PTPRO: variants seen among roughly 807,000 people sequenced by gnomAD.
PTPRO encodes receptor-type tyrosine-protein phosphatase O.
PTPRO carries 62 observed loss-of-function variants against 145.2 expected under a neutral mutation model. That is an observed-to-expected ratio of 0.43 (90% CI 0.35 to 0.53). The LOEUF (loss-of-function observed/expected upper bound fraction) is 0.53. Among genes scored for constraint, PTPRO ranks in the 20% least tolerant of loss-of-function variants. PTPRO has a pLI of 0.01. For synonymous variants in PTPRO, 565 were observed against 514.7 expected (o/e 1.10, Z -1.32); for missense variants, 1,345 against 1,482.7 (o/e 0.91, Z 1.53).
intron 1 of PTPRO, among the ~76,000 whole-genome samples, chr12:15,371,352 C>T (rs1363539445): frequency 6.6e-6 from 1 of 152,034 alleles, no homozygotes; most frequent in Admixed American, 6.6e-5. Context: ...CTGCTTCAGC[C>T]TCCTGAGTAA....
At chr12:15,514,451 CAA>C (rs71438353) in intron 7 of PTPRO, among the ~76,000 whole-genome samples, 5,340 of 68,932 alleles carry the variant, frequency 0.077, 145 homozygotes, top group East Asian at 0.19. Flanking sequence ...GACTCTGTCT[CAA>C]AAAAAAAAAA....
intron 6 of PTPRO, among the ~76,000 whole-genome samples, chr12:15,507,951 A>C (rs1942356905): frequency 6.6e-6 from 1 of 152,236 alleles, no homozygotes. Flanking sequence ...GAACCACTTT[A>C]GGAACATAAG....
At chr12:15,429,053 A>G (rs945080250) in intron 1 of PTPRO, among the ~76,000 whole-genome samples, 23 of 152,296 alleles carry the variant, frequency 1.5e-4, no homozygotes, top group African/African-American at 5.5e-4. Context: ...AAAAATCATA[A>G]TTATTGTAGA....
intron 7 of PTPRO, among the ~76,000 whole-genome samples, chr12:15,514,304 T>C (rs1382144693): frequency 6.6e-6 from 1 of 151,806 alleles, no homozygotes; most frequent in Non-Finnish European, 1.5e-5. Context: ...ATACAAAAAT[T>C]AGCTGGGCGT....
chr12:15,372,130 G>A (rs970748562), intron 1 of PTPRO, among the ~76,000 whole-genome samples: 1 of 152,152 alleles, frequency 6.6e-6, no homozygotes, highest in African/African-American at 2.4e-5. Flanking sequence ...AAAAGAAAAT[G>A]TGGGTCAAGA....
At chr12:15,334,865 C>T (rs1406291205) in intron 1 of PTPRO, among the ~76,000 whole-genome samples, 1 of 151,978 alleles carries the variant, frequency 6.6e-6, no homozygotes, top group Non-Finnish European at 1.5e-5. Context: ...AATTAATAAT[C>T]TTCTTTACTC....
chr12:15,414,442 C>T (rs1939888064), intron 1 of PTPRO, among the ~76,000 whole-genome samples: 1 of 152,188 alleles, frequency 6.6e-6, no homozygotes. Flanking sequence ...TAGCTAGGTG[C>T]AGTGGCACTA....
chr12:15,365,855 T>C (rs1938344496), intron 1 of PTPRO, among the ~76,000 whole-genome samples: 1 of 152,140 alleles, frequency 6.6e-6, no homozygotes, highest in Admixed American at 6.6e-5. Flanking sequence ...GTGCTTGCTG[T>C]TATTGGGTAG....
At chr12:15,373,985 G>A (rs1023095201) in intron 1 of PTPRO, among the ~76,000 whole-genome samples, 3 of 151,776 alleles carry the variant, frequency 2.0e-5, no homozygotes, top group Non-Finnish European at 1.5e-5. Flanking sequence ...TTCAAGACTC[G>A]GTCACCTCAA....
intron 1 of PTPRO, among the ~76,000 whole-genome samples, chr12:15,351,777 T>C (rs1018284292): frequency 2.0e-5 from 3 of 152,202 alleles, no homozygotes; most frequent in Admixed American, 6.5e-5. Context: ...TGGTAACCTA[T>C]AGGGATTTAA....
At chr12:15,330,073 T>A in intron 1 of PTPRO, among the ~76,000 whole-genome samples, 1 of 152,210 alleles carries the variant, frequency 6.6e-6, no homozygotes, top group Admixed American at 6.5e-5. Context: ...GATCTCTGTA[T>A]TCTCTAGGGG....
At chr12:15,559,050 A>C (rs532578813) in intron 16 of PTPRO, among the ~76,000 whole-genome samples, 14 of 152,254 alleles carry the variant, frequency 9.2e-5, no homozygotes, top group Non-Finnish European at 2.9e-5. Context: ...TGCCTGGTTC[A>C]CCCTTGGGAG....
chr12:15,322,683 G>T lies in PTPRO; in HGVS notation c.-44G>T. Reference sequence around the variant, plus strand: ...GCCATTGTGAGCCGCCGCCGGGGGAGTCCGCTAGCGCAGCCGTGCCCCCGA... The same window carrying T: ...GCCATTGTGAGCCGCCGCCGGGGGATTCCGCTAGCGCAGCCGTGCCCCCGA... On this transcript the variant is annotated 5_prime_UTR_variant, in exon 1 of 27. Transcript: ENST00000281171. This position sits in a 1 kb window ranked among gnomAD's most constrained non-coding sequence, Gnocchi z 6.3. The T allele has an allele frequency of 6.5e-7, 1 of 1,550,116 alleles. No homozygotes were observed. The highest frequency in any genetic ancestry group is 8.8e-7 in the Non-Finnish European group (1 of 1,133,980).
intron 18 of PTPRO, 41 bp downstream of exon 18, chr12:15,565,669 A>T (rs1359084290): frequency 7.5e-7 from 1 of 1,326,882 alleles, no homozygotes; most frequent in African/African-American, 1.5e-5. Context: ...GATGTTTGTT[A>T]TAATAATCTT....
chr12:15,353,085 C>CTGGTAATA (rs1937863182), intron 1 of PTPRO, among the ~76,000 whole-genome samples: 1 of 152,160 alleles, frequency 6.6e-6, no homozygotes, highest in Admixed American at 6.5e-5. Context: ...TGTTTCCTCA[C>CTGGTAATA]ATGTAATAAC....
In PTPRO at chr12:15,567,538, A is replaced by G. The variant is rs576371728; in HGVS notation, c.2748-1879A>G. 2.7e-5 allele frequency among the ~76,000 whole-genome samples: 4 copies of G among 150,576 alleles called. No individual in the cohort carries two copies. The South Asian group carries it at 8.4e-4, about 32-fold the overall frequency. On this transcript the variant is annotated intron_variant, in intron 18 of 26. Transcript: ENST00000281171. Reference sequence around the variant, plus strand: ...TCTTTTCCCTCTGCTTCTTGCTTTTACTTCTTTTAACCCATTAATACTTTG... The same window carrying G: ...TCTTTTCCCTCTGCTTCTTGCTTTTGCTTCTTTTAACCCATTAATACTTTG...
chr12:15,503,521 C>T (rs1942261550), intron 5 of PTPRO, among the ~76,000 whole-genome samples: 1 of 152,086 alleles, frequency 6.6e-6, no homozygotes, highest in African/African-American at 2.4e-5. Flanking sequence ...CCACAAAGAA[C>T]TTACAAGATA....
chr12:15,576,989 A>T (rs1944200597), intron 19 of PTPRO, among the ~76,000 whole-genome samples: 1 of 152,218 alleles, frequency 6.6e-6, no homozygotes, highest in South Asian at 2.1e-4. Context: ...ACACTGATTT[A>T]GTTGAAATTT....
intron 1 of PTPRO, among the ~76,000 whole-genome samples, chr12:15,399,829 T>C (rs1468428213): frequency 1.3e-5 from 2 of 151,670 alleles, no homozygotes; most frequent in Non-Finnish European, 2.9e-5. Context: ...GACAGGTGGA[T>C]CACTTGAGGT....
Sources: gnomAD v4.1 joint callset for allele counts (sites outside exome capture counted in the v4.1 genomes callset) on GRCh38, gnomAD v4.1.1 for gene constraint, Gnocchi (gnomAD v3.1) non-coding constraint, MANE v1.5 for transcripts, NCBI Gene and HGNC (gene_info 2026-07-23, HGNC 2026-07-21) for gene names.